Variants in MCF2L2 observed in about 807,000 individuals in gnomAD.
The protein encoded by MCF2L2 is MCF.2 cell line derived transforming sequence-like 2.
MCF2L2 carries 102 observed loss-of-function variants against 150.2 expected under a neutral mutation model. That is an observed-to-expected ratio of 0.68 (90% CI 0.58 to 0.80). The LOEUF is 0.80. Among genes scored for constraint, MCF2L2 ranks in the 30% least tolerant of loss-of-function variants. The pLI is 0.00. For synonymous variants in MCF2L2, 465 were observed against 491.3 expected, an observed-to-expected ratio of 0.95 and a Z score of 0.71; for missense variants, 1,256 against 1,372.8, an observed-to-expected ratio of 0.91 and a Z score of 1.34.
At position 183,309,983 on chromosome 3, in the gene MCF2L2, G is replaced by C. The variant is rs1577052838; in HGVS notation, c.994-148C>G. ...ATATGTTAAAAATTTTTTTTTTGCA[G>C]CTCACTAACTTTCAAATTAAGCTGG... On this transcript the variant is annotated intron_variant, in intron 9 of 29. Coordinates refer to ENST00000328913, the MANE Select transcript of MCF2L2 (RefSeq NM_015078.4). 6.9e-6 allele frequency: 5 copies of C among 726,252 alleles called. No individual in the cohort carries two copies. In the South Asian group the frequency reaches 1.2e-4, roughly 17 times the overall value. The allele number at this position is 726,252 out of a possible 1,614,324, so 45.0% of individuals were successfully genotyped here. A position where few individuals can be genotyped will look rare whatever the true frequency, so the allele number is the denominator to read the frequency against.
At chr3:183,219,182 T>C (rs1487756728) in intron 21 of MCF2L2, among the ~76,000 whole-genome samples, 1 of 152,132 alleles carries the variant, frequency 6.6e-6, no homozygotes, top group Non-Finnish European at 1.5e-5. Flanking sequence ...ATATAGAAAT[T>C]AGATATACTA....
chr3:183,311,873 G>T, intron 7 of MCF2L2, 101 bp from the exon 8 acceptor site: 1 of 1,069,198 alleles, frequency 9.4e-7, no homozygotes, highest in Non-Finnish European at 1.3e-6. Flanking sequence ...TTTTCATTTA[G>T]GAAATTAAAT....
chr3:183,340,724 C>T (rs1032812568), intron 4 of MCF2L2, among the ~76,000 whole-genome samples: 4 of 152,118 alleles, frequency 2.6e-5, no homozygotes, highest in Admixed American at 2.0e-4. Context: ...GGGCAGATCA[C>T]TTGAGGTCAG....
At chr3:183,288,395 C>T (rs550297068) in intron 14 of MCF2L2, among the ~76,000 whole-genome samples, 118 of 152,154 alleles carry the variant, frequency 7.8e-4, no homozygotes, top group Admixed American at 1.8e-3. Flanking sequence ...TGGCACAATC[C>T]ACAGAGCCTA....
At chr3:183,364,697 A>G (rs569667298) in intron 3 of MCF2L2, among the ~76,000 whole-genome samples, 1 of 152,300 alleles carries the variant, frequency 6.6e-6, no homozygotes, top group South Asian at 2.1e-4. Context: ...GGTACACAAA[A>G]TAAGAAATGG....
rs540384540 is a variant in MCF2L2, at chr3:183,332,598, C to T, written c.486+6202G>A. On this transcript the variant is annotated intron_variant, in intron 5 of 29. Transcript: ENST00000328913. ...TTTTATATGCAATCAGGGAAATACG[C>T]GTGACATTTGGTCAAATGCTCAGTT... Among the ~76,000 whole-genome samples, 8 of 152,208 alleles carry T rather than the reference C, an allele frequency of 5.3e-5. No individual in the cohort carries two copies. In the South Asian group the frequency reaches 1.0e-3, roughly 20 times the overall value.
intron 3 of MCF2L2, among the ~76,000 whole-genome samples, chr3:183,363,949 G>T: frequency 6.6e-6 from 1 of 152,096 alleles, no homozygotes. Flanking sequence ...ACAATGTAAG[G>T]CCACAAAGAA....
chr3:183,400,315 A>G (rs1283542888), intron 1 of MCF2L2: 9 of 403,316 alleles, frequency 2.2e-5, no homozygotes, highest in Non-Finnish European at 4.4e-5. Context: ...AATAAAACAC[A>G]TACATAAAAC....
At chr3:183,240,603 C>T (rs545994117) in intron 15 of MCF2L2, among the ~76,000 whole-genome samples, 1 of 152,300 alleles carries the variant, frequency 6.6e-6, no homozygotes, top group South Asian at 2.1e-4. Context: ...GAGTTTAAGA[C>T]TCTCTGTTCA....
At chr3:183,229,974 C>T (rs1723488458) in intron 16 of MCF2L2, among the ~76,000 whole-genome samples, 193 bp from the exon 17 acceptor site, 1 of 152,060 alleles carries the variant, frequency 6.6e-6, no homozygotes, top group African/African-American at 2.4e-5. Flanking sequence ...AAGGAGATGG[C>T]TTAATGGCAA....
rs77920650 is a variant in MCF2L2, at chr3:183,367,839, G to A, written c.275+11458C>T. On this transcript the variant is annotated intron_variant, in intron 3 of 29. Transcript: ENST00000328913. The stretch of plus-strand genomic sequence containing the variant: ...GAGGTGAGAGAAAGCATCATAATAC[G>A]CAAAACTCATTTTTCACAGTAAAGA... Among the ~76,000 whole-genome samples the A allele has an allele frequency of 4.5e-4, 68 of 152,192 alleles. No homozygotes were observed. The East Asian group carries it at 6.4e-3, about 14-fold the overall frequency.
At position 183,270,919 on chromosome 3, in the gene MCF2L2, G is replaced by A. The variant is rs1319626470; in HGVS notation, c.1862+5953C>T. ...AGCTATGTGGACACATACCCTTGTA[G>A]GGCTGCGTTTATCTAATAGTACTTG... On this transcript the variant is annotated intron_variant, in intron 15 of 29. Transcript: ENST00000328913. This position sits in a 1 kb window ranked among gnomAD's most constrained non-coding sequence, Gnocchi z 4.5. 6.3e-7 allele frequency: 1 copy of A among 1,581,044 alleles called. No individual in the cohort carries two copies. Among genetic ancestry groups the A allele is most frequent in the Non-Finnish European group, 8.6e-7 (1 of 1,167,324 alleles).
At chr3:183,251,746 CCT>C (rs1433507445) in intron 15 of MCF2L2, among the ~76,000 whole-genome samples, 1 of 151,924 alleles carries the variant, frequency 6.6e-6, no homozygotes, top group African/African-American at 2.4e-5. Flanking sequence ...ATTCTCTTCC[CCT>C]CTCTCTGGGT....
chr3:183,407,454 C>A (rs559269284), intron 1 of MCF2L2, among the ~76,000 whole-genome samples: 62 of 152,296 alleles, frequency 4.1e-4, no homozygotes, highest in Middle Eastern at 3.4e-3. Context: ...GAATTGACAT[C>A]TTGAGTCTTC....
chr3:183,179,542 A>T lies in MCF2L2; in HGVS notation c.3221+35T>A. On this transcript the variant is annotated intron_variant, in intron 29 of 29. Transcript: ENST00000328913. This position sits in a 1 kb window ranked among gnomAD's most constrained non-coding sequence, Gnocchi z 4.2. The stretch of plus-strand genomic sequence containing the variant: ...AAGAAAGTCAGAGACGCCGTGGCCC[A>T]AAGAGGCGCTTAGTCTTTCCTCGCT... The T allele has an allele frequency of 6.2e-7, 1 of 1,611,988 alleles. No homozygotes were observed. The highest frequency in any genetic ancestry group is 8.5e-7 in the Non-Finnish European group (1 of 1,178,730).
Position 183,179,266 on chromosome 3 carries a change from C to T in MCF2L2, c.*114G>A. The T allele has an allele frequency of 1.5e-6, 2 of 1,328,992 alleles. No individual in the cohort carries two copies. The highest frequency in any genetic ancestry group is 1.9e-6 in the Non-Finnish European group (2 of 1,038,598). 82.3% of individuals were successfully genotyped at this position (1,328,992 alleles called of 1,614,324 possible). ...GGCCCTGGTTGTCCCCTTTCTGCCG[C>T]CGCCGAGGCTCCGGCTGCTTTCTGC... is the stretch of plus-strand genomic sequence containing the variant. On this transcript the variant is annotated 3_prime_UTR_variant, in exon 30 of 30. Coordinates refer to ENST00000328913, the MANE Select transcript of MCF2L2 (RefSeq NM_015078.4). The surrounding 1 kb of genome is among the most constrained non-coding windows in gnomAD (Gnocchi z 4.2).
chr3:183,323,883 G>A (rs571176300), intron 5 of MCF2L2, among the ~76,000 whole-genome samples: 4 of 151,790 alleles, frequency 2.6e-5, no homozygotes, highest in African/African-American at 7.3e-5. Context: ...ATACCAAAGC[G>A]TGGTATAGCC....
At chr3:183,342,620 A>ATGTG (rs57683720) in intron 3 of MCF2L2, among the ~76,000 whole-genome samples, 59 of 142,982 alleles carry the variant, frequency 4.1e-4, no homozygotes, top group South Asian at 1.9e-3. Context: ...TGAAGATTAA[A>ATGTG]TGTGTGTGTG....
chr3:183,190,205 T>C (rs535298), intron 27 of MCF2L2, among the ~76,000 whole-genome samples: 124,693 of 152,172 alleles, frequency 0.82, 52,324 homozygotes, highest in East Asian at 0.91. Context: ...CACCAGCTGG[T>C]GTGTCCCCAT....
Sources: allele counts gnomAD v4.1 joint callset (sites outside exome capture counted in the v4.1 genomes callset), GRCh38; gene constraint gnomAD v4.1.1; non-coding constraint Gnocchi (gnomAD v3.1); transcripts MANE v1.5; gene names NCBI Gene and HGNC (gene_info 2026-07-23, HGNC 2026-07-21).